JARID2: variants seen among roughly 807,000 people sequenced by gnomAD.
JARID2 encodes the protein protein Jumonji.
In JARID2, 21 loss-of-function variants were observed where a neutral mutation model predicts 125.6. The observed-to-expected ratio is 0.17, with a 90% CI of 0.12 to 0.24. The LOEUF is 0.24. Among genes scored for constraint, JARID2 ranks in the 10% least tolerant of loss-of-function variants. The pLI is 1.00. For synonymous variants in JARID2, 736 were observed against 661.6 expected (o/e 1.11, Z -1.73); for missense variants, 1,303 against 1,639.6 (o/e 0.79, Z 3.55).
At chr6:15,246,605 A>G (rs1759190462) in intron 1 of JARID2, 21 bp downstream of exon 1, 5 of 1,599,014 alleles carry the variant, frequency 3.1e-6, no homozygotes, top group African/African-American at 1.3e-5. Flanking sequence ...CTAACAACAC[A>G]TCCTTTGACT....
intron 9 of JARID2, among the ~76,000 whole-genome samples, chr6:15,505,449 T>C (rs917294879): frequency 6.6e-6 from 1 of 152,118 alleles, no homozygotes; most frequent in African/African-American, 2.4e-5. Context: ...TTCAGGTATC[T>C]TGTTTTGCCC....
Position 15,325,539 on chromosome 6 carries a change from G to A in JARID2, c.46-48578G>A, listed in dbSNP as rs56103682. Among the ~76,000 whole-genome samples the A allele has an allele frequency of 4.9e-3, 748 of 152,288 alleles. 5 individuals carry two copies. Among genetic ancestry groups the A allele is most frequent in the African/African-American group, 0.017 (701 of 41,554 alleles). ...GAGACCCTTTCTTCATGATGGTGTG[G>A]TGTGCAGGAGGGTGTTCAGGGGTGA... is the stretch of plus-strand genomic sequence containing the variant. On this transcript the variant is annotated intron_variant, in intron 1 of 17. Transcript: ENST00000341776.
At chr6:15,400,994 A>G (rs1380386582) in intron 2 of JARID2, 3 of 1,289,186 alleles carry the variant, frequency 2.3e-6, no homozygotes, top group Admixed American at 4.6e-5. Flanking sequence ...TTGGTGGCTT[A>G]TCTTGAGGAA....
intron 5 of JARID2, among the ~76,000 whole-genome samples, chr6:15,483,244 G>T (rs1769707935): frequency 6.6e-6 from 1 of 152,154 alleles, no homozygotes; most frequent in Non-Finnish European, 1.5e-5. Context: ...CCCTAGAGAT[G>T]ATCATTGTAT....
chr6:15,299,255 T>C (rs1761520536), intron 1 of JARID2, among the ~76,000 whole-genome samples: 1 of 152,212 alleles, frequency 6.6e-6, no homozygotes, highest in South Asian at 2.1e-4. Context: ...TTTTTGTCCC[T>C]GCTGCCACCA....
At chr6:15,515,764 CAA>C (rs573083097) in intron 16 of JARID2, among the ~76,000 whole-genome samples, 1 of 139,778 alleles carries the variant, frequency 7.2e-6, no homozygotes, top group African/African-American at 2.6e-5. Flanking sequence ...AAAAAAAAAA[CAA>C]AAACAAAAAC....
chr6:15,469,355 CTCTCTCCTCCCCT>C (rs1768939045), intron 5 of JARID2, among the ~76,000 whole-genome samples: 1 of 19,234 alleles, frequency 5.2e-5, no homozygotes, highest in Non-Finnish European at 1.1e-4. Flanking sequence ...CTCTCTCTCT[CTCTCTCCTCCCCT>C]TCTCCCCCTC....
intron 1 of JARID2, among the ~76,000 whole-genome samples, chr6:15,323,325 G>A (rs1762420436): frequency 6.6e-6 from 1 of 152,086 alleles, no homozygotes; most frequent in Non-Finnish European, 1.5e-5. Flanking sequence ...GAATGAGCCA[G>A]GTGTGTGTGT....
In JARID2 at chr6:15,487,639, A is replaced by G; in HGVS notation, c.906+97A>G. The stretch of plus-strand genomic sequence containing the variant: ...TTCATCTTCAGAGGGCTCAAGAAGC[A>G]GGAGGTGATGCCCAGAAGCAAGACA... On this transcript the variant is annotated intron_variant, in intron 6 of 17. Transcript: ENST00000341776. The G allele has an allele frequency of 2.7e-6, 3 of 1,096,844 alleles. No homozygotes were observed. In the South Asian group the frequency reaches 4.9e-5, roughly 18 times the overall value. 67.9% of individuals were successfully genotyped at this position (1,096,844 alleles called of 1,614,324 possible).
At chr6:15,333,847 A>G (rs567418762) in intron 1 of JARID2, among the ~76,000 whole-genome samples, 3 of 152,324 alleles carry the variant, frequency 2.0e-5, no homozygotes, top group Non-Finnish European at 2.9e-5. Context: ...TTGGTGCCAT[A>G]ACATACAAGT....
chr6:15,496,468 C>A lies in JARID2; in HGVS notation c.1243C>A (p.Pro415Thr), dbSNP rs376615516. 1 of 1,613,210 alleles carries A rather than the reference C, an allele frequency of 6.2e-7. No homozygotes were observed. The highest frequency in any genetic ancestry group is 8.5e-7 in the Non-Finnish European group (1 of 1,179,690). The change falls in exon 7 of 18, where the codon CCA (proline) becomes ACA (threonine). Residue 415 changes from proline to threonine, a missense_variant. Physicochemically the swap from Pro to Thr is conservative, Grantham distance 38 (BLOSUM62 -1). Transcript: ENST00000341776. ...CCTCAAGGTCAGTGGCAGGTTGAACCCAAAGTCATGCACTAAGGAGGTGGG... is the reference window on the plus strand; with the variant it reads ...CCTCAAGGTCAGTGGCAGGTTGAACACAAAGTCATGCACTAAGGAGGTGGG... ...NGLKVSGRLN[P>T]KSCTKEVGGR...
At chr6:15,477,851 G>T (rs755205117) in intron 5 of JARID2, among the ~76,000 whole-genome samples, 1 of 152,148 alleles carries the variant, frequency 6.6e-6, no homozygotes, top group Non-Finnish European at 1.5e-5. Flanking sequence ...CCTTATAATT[G>T]CTAGGAAAAC....
intron 3 of JARID2, among the ~76,000 whole-genome samples, chr6:15,438,720 A>G (rs116244824): frequency 1.1e-4 from 16 of 152,160 alleles, no homozygotes; most frequent in South Asian, 2.1e-4. Context: ...GTATCCTTCT[A>G]TCTGCTCCAT....
chr6:15,407,717 A>T (rs986269323), intron 2 of JARID2, among the ~76,000 whole-genome samples: 1 of 152,098 alleles, frequency 6.6e-6, no homozygotes, highest in Non-Finnish European at 1.5e-5. Context: ...TGGTATTGCA[A>T]GCTTGCCGGC....
intron 1 of JARID2, among the ~76,000 whole-genome samples, chr6:15,351,370 G>C (rs529000541): frequency 1.3e-4 from 20 of 152,306 alleles, no homozygotes; most frequent in African/African-American, 4.6e-4. Flanking sequence ...ATAGCTACCA[G>C]GTAGGGATTG....
rs1407475900 is a variant in JARID2, at chr6:15,413,012, TTTTTTTTTTTG to T, written c.323+2658_323+2668del. On this transcript the variant is annotated intron_variant, in intron 3 of 17. Coordinates refer to ENST00000341776, the MANE Select transcript of JARID2 (RefSeq NM_004973.4). The stretch of plus-strand genomic sequence containing the variant: ...ATGGGAAGAGCTTGTGTTTTTGTTT[TTTTTTTTTTTG>T]TTTTTTTTTTTTTGAGACTGAGTTT... Among the ~76,000 whole-genome samples, 42 of 89,126 alleles carry T rather than the reference TTTTTTTTTTTG, an allele frequency of 4.7e-4. 4 individuals are homozygous for T. Among genetic ancestry groups the T allele is most frequent in the South Asian group, 3.0e-3 (8 of 2,628 alleles). The allele number at this position is 89,126 out of a possible 152,430, so 58.5% of individuals were successfully genotyped here.
chr6:15,421,112 G>A (rs1224267777), intron 3 of JARID2, among the ~76,000 whole-genome samples: 2 of 152,002 alleles, frequency 1.3e-5, no homozygotes, highest in Non-Finnish European at 1.5e-5. Context: ...CTCAACCCCG[G>A]CTCTGCTTGC....
chr6:15,511,204 C>T lies in JARID2; in HGVS notation c.2847-92C>T, dbSNP rs537595262. 1,343 of 813,632 alleles carry T rather than the reference C, an allele frequency of 1.7e-3. 5 individuals are homozygous for T. Among genetic ancestry groups the T allele is most frequent in the Non-Finnish European group, 2.5e-3 (1,222 of 480,338 alleles). The allele number at this position is 813,632 out of a possible 1,614,324, so 50.4% of individuals were successfully genotyped here. A position where few individuals can be genotyped will look rare whatever the true frequency, so the allele number is the denominator to read the frequency against. The stretch of plus-strand genomic sequence containing the variant: ...GGCGTGGAGCAGAGCCTCTCGTGTG[C>T]TCGGGTCCCTGAGGGTGACGGGGGT... On this transcript the variant is annotated intron_variant, in intron 12 of 17. Coordinates refer to ENST00000341776, the MANE Select transcript of JARID2 (RefSeq NM_004973.4).
chr6:15,363,602 GAC>G (rs1302049518), intron 1 of JARID2, among the ~76,000 whole-genome samples: 1 of 152,198 alleles, frequency 6.6e-6, no homozygotes, highest in Non-Finnish European at 1.5e-5. Flanking sequence ...AGGCGAGTAA[GAC>G]ACAGACTAGT....
Sources: allele counts gnomAD v4.1 joint callset (sites outside exome capture counted in the v4.1 genomes callset), GRCh38; gene constraint gnomAD v4.1.1; transcripts MANE v1.5; gene names NCBI Gene and HGNC (gene_info 2026-07-23, HGNC 2026-07-21).